Variants in TXLNG observed in about 807,000 individuals in gnomAD.
TXLNG encodes the protein gamma-taxilin.
A neutral mutation model predicts 38.8 loss-of-function variants in TXLNG; 5 were observed. That is an observed-to-expected ratio of 0.13 (90% CI 0.07 to 0.27). The LOEUF (loss-of-function observed/expected upper bound fraction) is 0.27, where lower values mean the gene tolerates loss of function less well. Among genes scored for constraint, TXLNG ranks in the 10% least tolerant of loss-of-function variants. The pLI, the probability that TXLNG is intolerant of heterozygous loss-of-function variation, is 1.00. For synonymous variants in TXLNG, 182 were observed against 158.2 expected, an observed-to-expected ratio of 1.15 and a Z score of -1.13; for missense variants, 393 against 398.2, an observed-to-expected ratio of 0.99 and a Z score of 0.11.
intron 3 of TXLNG, among the ~76,000 whole-genome samples, chrX:16,820,490 A>G (rs1349959982): frequency 8.9e-6 from 1 of 111,909 alleles, no homozygotes; most frequent in East Asian, 2.8e-4. Context: ...AGATTTTCTA[A>G]AACTCAGTTT....
chrX:16,804,562 C>A lies in TXLNG; in HGVS notation c.103-14012C>A, dbSNP rs186496755. Among the ~76,000 whole-genome samples the A allele has an allele frequency of 2.2e-3, 229 of 105,914 alleles. 2 individuals carry two copies. Among genetic ancestry groups the A allele is most frequent in the African/African-American group, 7.6e-3 (222 of 29,059 alleles). 92.0% of individuals were successfully genotyped at this position (105,914 alleles called of 115,157 possible). On this transcript the variant is annotated intron_variant, in intron 1 of 9. Transcript: ENST00000380122. ...CCCACACCAAGGTTGTTTTTTTACTCCTTTAAAATGTGGTAAGTTAAAGAT... is the reference window on the plus strand; with the variant it reads ...CCCACACCAAGGTTGTTTTTTTACTACTTTAAAATGTGGTAAGTTAAAGAT...
At chrX:16,827,563 T>A (rs1370957514) in intron 3 of TXLNG, among the ~76,000 whole-genome samples, 3 of 111,670 alleles carry the variant, frequency 2.7e-5, no homozygotes, top group Non-Finnish European at 3.8e-5. Flanking sequence ...GAGGAGCCCA[T>A]GTTGCTTGTG....
chrX:16,812,837 G>A (rs1928581851), intron 1 of TXLNG, among the ~76,000 whole-genome samples: 1 of 106,710 alleles, frequency 9.4e-6, no homozygotes, highest in South Asian at 4.2e-4. Context: ...TAGTAGCTAG[G>A]ATTACAGGCT....
At chrX:16,840,243 A>G (rs1929745476) in intron 9 of TXLNG, among the ~76,000 whole-genome samples, 1 of 112,038 alleles carries the variant, frequency 8.9e-6, no homozygotes, top group African/African-American at 3.2e-5. Context: ...CTTGCATCAG[A>G]CGCCTGCTTG....
chrX:16,791,922 A>G (rs1460189275), intron 1 of TXLNG, among the ~76,000 whole-genome samples: 1 of 112,177 alleles, frequency 8.9e-6, no homozygotes, highest in Non-Finnish European at 1.9e-5. Flanking sequence ...TGTTATTTAT[A>G]TTGGTCTTGC....
Position 16,839,896 on chromosome X carries a change from C to T in TXLNG, c.1228C>T (p.Leu410Phe). Residue 410 changes from leucine (L) to phenylalanine (F), a missense_variant, in exon 9 of 10, where the codon CTT (leucine) becomes TTT (phenylalanine). Physicochemically the swap from Leu to Phe is conservative, Grantham distance 22. Transcript: ENST00000380122. ...CAAATGGGAAAACAATAATAAAGCA[C>T]TTCTGCAAATGGCTGAAGAGGTGAG... ...RTKWENNNKA[L>F]LQMAEEKTVR... 8.3e-7 allele frequency: 1 copy of T among 1,201,520 alleles called. No individual in the cohort carries two copies. The highest frequency in any genetic ancestry group is 1.1e-6 in the Non-Finnish European group (1 of 889,621).
chrX:16,789,300 A>G (rs1927620199), intron 1 of TXLNG, among the ~76,000 whole-genome samples: 1 of 110,666 alleles, frequency 9.0e-6, no homozygotes, highest in Non-Finnish European at 1.9e-5. Flanking sequence ...CATAACTACA[A>G]CCATTTGAAT....
In TXLNG at chrX:16,818,762, C is replaced by G. The variant is rs1569267694; in HGVS notation, c.291C>G (p.Ser97Arg). The G allele has an allele frequency of 1.7e-6, 2 of 1,211,922 alleles. No individual in the cohort carries two copies. Among genetic ancestry groups the G allele is most frequent in the East Asian group, 3.0e-5 (1 of 33,858 alleles). ...DFITENRNLV[S>R]PAYCTQESRE... Reference sequence around the variant, plus strand: ...TAACAGAGAACAGGAATTTGGTGAGCCCAGCATACTGCACGCAAGAATCAA... The same window carrying G: ...TAACAGAGAACAGGAATTTGGTGAGGCCAGCATACTGCACGCAAGAATCAA... The change falls in exon 2 of 10, where the codon AGC becomes AGG. Residue 97 changes from serine to arginine, a missense_variant. Physicochemically the swap from Ser to Arg is moderately radical, Grantham distance 110. Coordinates refer to ENST00000380122, the MANE Select transcript of TXLNG (RefSeq NM_018360.3).
intron 4 of TXLNG, among the ~76,000 whole-genome samples, 167 bp from the exon 5 acceptor site, chrX:16,829,409 G>A (rs1026604942): frequency 9.0e-6 from 1 of 111,699 alleles, no homozygotes; most frequent in African/African-American, 3.3e-5. Context: ...AGGAAAAACT[G>A]CTTGCTTTTC....
chrX:16,840,540 G>A (rs770901151), intron 9 of TXLNG: 407 of 561,063 alleles, frequency 7.3e-4, no homozygotes, highest in Non-Finnish European at 8.2e-4. Flanking sequence ...TTGGGAGGCC[G>A]ACGCAGGCGG....
chrX:16,796,409 C>T (rs1927890638), intron 1 of TXLNG, among the ~76,000 whole-genome samples: 1 of 111,811 alleles, frequency 8.9e-6, no homozygotes, highest in Non-Finnish European at 1.9e-5. Context: ...TCCTAGGTTC[C>T]TGACCGTGGA....
In TXLNG at chrX:16,803,280, A is replaced by G. The variant is rs1928182454; in HGVS notation, c.103-15294A>G. ...ATCCTGGGGACTGCCCAGTCTGTGG[A>G]TTGCAATGTTGATGGCTGTCACTCT... On this transcript the variant is annotated intron_variant, in intron 1 of 9. Coordinates refer to ENST00000380122, the MANE Select transcript of TXLNG (RefSeq NM_018360.3). The G allele has an allele frequency of 1.8e-5, 2 of 113,899 alleles. 1 individual carries two copies. Among genetic ancestry groups the G allele is most frequent in the South Asian group, 6.0e-4 (2 of 3,331 alleles). 9.4% of individuals were successfully genotyped at this position (113,899 alleles called of 1,213,427 possible).
chrX:16,790,874 C>T (rs756077044), intron 1 of TXLNG, among the ~76,000 whole-genome samples: 1 of 111,928 alleles, frequency 8.9e-6, no homozygotes, highest in Non-Finnish European at 1.9e-5. Context: ...AATACTCTTT[C>T]ATCTATACTA....
chrX:16,813,660 G>C (rs1289797866), intron 1 of TXLNG, among the ~76,000 whole-genome samples: 2 of 106,586 alleles, frequency 1.9e-5, no homozygotes, highest in Non-Finnish European at 3.9e-5. Context: ...AAAAAGTACA[G>C]TTGCTTGGGA....
chrX:16,795,778 C>T (rs1167286426), intron 1 of TXLNG, among the ~76,000 whole-genome samples: 1 of 110,847 alleles, frequency 9.0e-6, no homozygotes, highest in African/African-American at 3.3e-5. Context: ...GGGTAACATG[C>T]CATACAGTTT....
intron 1 of TXLNG, among the ~76,000 whole-genome samples, chrX:16,786,984 C>G (rs1199523784): frequency 8.8e-6 from 1 of 113,013 alleles, no homozygotes; most frequent in African/African-American, 3.2e-5. Context: ...CTGAGCGCCG[C>G]CGTCCGGGGG....
At position 16,837,501 on chromosome X, in the gene TXLNG, G is replaced by T. The variant is rs368184653; in HGVS notation, c.1060-92G>T. 3 of 580,213 alleles carry T rather than the reference G, an allele frequency of 5.2e-6. No individual in the cohort carries two copies. In the Admixed American group the frequency reaches 1.1e-4, roughly 22 times the overall value. The allele number at this position is 580,213 out of a possible 1,213,427, so 47.8% of individuals were successfully genotyped here. A position where few individuals can be genotyped will look rare whatever the true frequency, so the allele number is the denominator to read the frequency against. ...GCATTTGTTCGTATTTCTATCACTT[G>T]TAATAAGTAACCATACTACGTTCTT... On this transcript the variant is annotated intron_variant, in intron 7 of 9. Transcript: ENST00000380122.
chrX:16,796,965 A>T (rs1306591550), intron 1 of TXLNG, among the ~76,000 whole-genome samples: 3 of 111,491 alleles, frequency 2.7e-5, no homozygotes, highest in Non-Finnish European at 5.6e-5. Context: ...TTCAATAAAA[A>T]TTTTAACATT....
rs1379436417 is a variant in TXLNG at position 16,843,511 on chromosome X, A to T, written c.*1745A>T. ...TAGGAGTACACCCTGTTCTGCTACT[A>T]AAATACTAGACTCATTTCCCTGGTG... On this transcript the variant is annotated 3_prime_UTR_variant, in exon 10 of 10. Coordinates refer to ENST00000380122, the MANE Select transcript of TXLNG (RefSeq NM_018360.3). 8.9e-6 allele frequency: 1 copy of T among 112,274 alleles called. No individual in the cohort carries two copies. The highest frequency in any genetic ancestry group is 1.9e-5 in the Non-Finnish European group (1 of 53,272). 9.3% of individuals were successfully genotyped at this position (112,274 alleles called of 1,213,427 possible). A position where few individuals can be genotyped will look rare whatever the true frequency, so the allele number is the denominator to read the frequency against.
Sources: gnomAD v4.1 joint callset for allele counts (sites outside exome capture counted in the v4.1 genomes callset) on GRCh38, gnomAD v4.1.1 for gene constraint, MANE v1.5 for transcripts, NCBI Gene and HGNC (gene_info 2026-07-23, HGNC 2026-07-21) for gene names.